The following CD163 variants were observed in gnomAD, a reference collection of about 807,000 sequenced individuals.
The protein encoded by CD163 is scavenger receptor cysteine-rich type 1 protein M130.
CD163 carries 64 observed loss-of-function variants against 129.2 expected under a neutral mutation model. The observed-to-expected ratio is 0.50, with a 90% CI of 0.41 to 0.61. The LOEUF (loss-of-function observed/expected upper bound fraction) is 0.61. Among genes scored for constraint, CD163 ranks in the 20% least tolerant of loss-of-function variants. The pLI is 0.00. For synonymous variants in CD163, 446 were observed against 478.5 expected (o/e 0.93, Z 0.89); for missense variants, 1,061 against 1,377.9 (o/e 0.77, Z 3.64).
chr12:7,500,951 T>C (rs1949476062), intron 3 of CD163, among the ~76,000 whole-genome samples, 188 bp downstream of exon 3: 2 of 152,172 alleles, frequency 1.3e-5, no homozygotes, highest in South Asian at 4.1e-4. Flanking sequence ...TTAATCACAG[T>C]GTTCAGAATT....
At chr12:7,476,712 G>A (rs1375143258) in intron 16 of CD163, among the ~76,000 whole-genome samples, 1 of 152,116 alleles carries the variant, frequency 6.6e-6, no homozygotes, top group Non-Finnish European at 1.5e-5. Context: ...AAAAGCAATG[G>A]CAACAAAAGC....
intron 5 of CD163, 121 bp from the exon 6 acceptor site, chr12:7,495,522 C>CT: frequency 2.4e-6 from 2 of 835,784 alleles, no homozygotes; most frequent in Admixed American, 5.7e-5. Context: ...AACTTATTTC[C>CT]TGACTTTTTA....
chr12:7,500,313 C>T (rs1369516668), intron 3 of CD163, among the ~76,000 whole-genome samples: 1 of 145,616 alleles, frequency 6.9e-6, no homozygotes, highest in Admixed American at 7.2e-5. Context: ...CCCAGCTACT[C>T]GGGAGACTGA....
chr12:7,497,073 T>C lies in CD163; in HGVS notation c.839A>G (p.Glu280Gly). Residue 280 changes from glutamate (E) to glycine (G), a missense_variant, in exon 5 of 17, where the codon GAA becomes GGA. By Grantham distance (98) the Glu-to-Gly change is moderately conservative. Coordinates refer to ENST00000432237, the MANE Select transcript of CD163 (RefSeq NM_203416.4). ...DGVTECSGRL[E>G]VRFQGEWGTI... ...CCCCCATTCTCCTTGGAATCTCACT[T>C]CTAATCTTCCTGAACATTCAGTGAC... 6.2e-7 allele frequency: 1 copy of C among 1,614,112 alleles called. No homozygotes were observed. The highest frequency in any genetic ancestry group is 8.5e-7 in the Non-Finnish European group (1 of 1,179,980).
chr12:7,497,146 C>T lies in CD163; in HGVS notation c.779-13G>A. ...AGATCTGCTCCCTCTGTAACAGAGA[C>T]ACACAACAGGTCTGCGATAAGGAAG... On this transcript the variant is annotated splice_polypyrimidine_tract_variant and intron_variant, in intron 4 of 16. Transcript: ENST00000432237. The T allele has an allele frequency of 6.2e-7, 1 of 1,607,246 alleles. No homozygotes were observed. The highest frequency in any genetic ancestry group is 8.5e-7 in the Non-Finnish European group (1 of 1,176,068).
rs149862927 is a variant in CD163, at chr12:7,483,059, G to A, written c.3089-55C>T. 497 of 1,558,668 alleles carry A rather than the reference G, an allele frequency of 3.2e-4. No individual in the cohort carries two copies. The African/African-American group carries it at 5.7e-3, about 18-fold the overall frequency. ...ATTCTTTGCATGATATATAGAACAA[G>A]CCTTCTGATTTCCTTGTCTGACCCC... On this transcript the variant is annotated intron_variant, in intron 12 of 16. Coordinates refer to ENST00000432237, the MANE Select transcript of CD163 (RefSeq NM_203416.4).
At chr12:7,494,816 A>G (rs1468060187) in intron 6 of CD163, among the ~76,000 whole-genome samples, 1 of 152,158 alleles carries the variant, frequency 6.6e-6, no homozygotes, top group Non-Finnish European at 1.5e-5. Flanking sequence ...ATTGAATTCT[A>G]TTTTTTAAAT....
At position 7,485,394 on chromosome 12, in the gene CD163, G is replaced by A. The variant is rs774318960; in HGVS notation, c.2481C>T (p.Thr827=). The stretch of plus-strand genomic sequence containing the variant: ...CACAGGCCTCTCTGCTGGCTTCACT[G>A]GTCAGTCTCAGAGACATGAATTCTG... ...ICSEFMSLRL[T]SEASREACAG... The change falls in exon 11 of 17, where the codon ACC becomes ACT. Residue 827 remains threonine (T), a synonymous_variant. Transcript: ENST00000432237. The surrounding 1 kb of genome is among the most constrained non-coding windows in gnomAD (Gnocchi z 4.5). 6.2e-7 allele frequency: 1 copy of A among 1,613,936 alleles called. No homozygotes were observed. Among genetic ancestry groups the A allele is most frequent in the Admixed American group, 1.7e-5 (1 of 60,010 alleles).
At chr12:7,478,183 G>A (rs1286209113) in intron 16 of CD163, among the ~76,000 whole-genome samples, 1 of 152,036 alleles carries the variant, frequency 6.6e-6, no homozygotes, top group Non-Finnish European at 1.5e-5. Context: ...ACATACTAGT[G>A]ACTTTATTGG....
Position 7,486,877 on chromosome 12 carries a change from T to C in CD163, c.2143+17A>G, listed in dbSNP as rs754989614. 6.2e-7 allele frequency: 1 copy of C among 1,608,472 alleles called. No homozygotes were observed. The highest frequency in any genetic ancestry group is 8.5e-7 in the Non-Finnish European group (1 of 1,176,378). On this transcript the variant is annotated intron_variant, in intron 9 of 16. Coordinates refer to ENST00000432237, the MANE Select transcript of CD163 (RefSeq NM_203416.4). ...ACTTGTTATTAATATTTTCATAGAT[T>C]TGTCACAGAGTCTTACCTATGCAGG... is the stretch of plus-strand genomic sequence containing the variant.
chr12:7,485,288 C>T lies in CD163; in HGVS notation c.2587G>A (p.Val863Met). The T allele has an allele frequency of 6.2e-7, 1 of 1,614,176 alleles. No individual in the cohort carries two copies. Among genetic ancestry groups the T allele is most frequent in the Non-Finnish European group, 8.5e-7 (1 of 1,180,030 alleles). The stretch of plus-strand genomic sequence containing the variant: ...TCTGCACAGCCCAGCTGCCTGCACA[C>T]CACACCCACAGTGGTTTCAGACATG... Reference protein sequence around the residue: ...SSMSETTVGVVCRQLGCADKG... With the variant: ...SSMSETTVGVMCRQLGCADKG... The change falls in exon 11 of 17, where the codon GTG (valine) becomes ATG (methionine). Residue 863 changes from valine to methionine, a missense_variant. By Grantham distance (21) the Val-to-Met change is conservative. Coordinates refer to ENST00000432237, the MANE Select transcript of CD163 (RefSeq NM_203416.4). This position sits in a 1 kb window ranked among gnomAD's most constrained non-coding sequence, Gnocchi z 4.5.
intron 6 of CD163, among the ~76,000 whole-genome samples, chr12:7,488,375 T>C (rs772768372): frequency 6.6e-6 from 1 of 152,332 alleles, no homozygotes; most frequent in Admixed American, 6.5e-5. Flanking sequence ...TTGCTTACTT[T>C]ATTCATAATA....
chr12:7,499,295 G>T lies in CD163; in HGVS notation c.458-107C>A, dbSNP rs766128558. On this transcript the variant is annotated intron_variant, in intron 3 of 16. Transcript: ENST00000432237. ...GGGATTTTATGTTGTCCTTAAAATG[G>T]TGCCTGATTTTGGACATTGCCCAGC... 117 of 980,588 alleles carry T rather than the reference G, an allele frequency of 1.2e-4. 1 individual carries two copies. In the South Asian group the frequency reaches 1.8e-3, roughly 15 times the overall value. The allele number at this position is 980,588 out of a possible 1,614,324, so 60.7% of individuals were successfully genotyped here. A position where few individuals can be genotyped will look rare whatever the true frequency, so the allele number is the denominator to read the frequency against.
chr12:7,491,944 T>A (rs991234213), intron 6 of CD163, among the ~76,000 whole-genome samples: 4 of 152,102 alleles, frequency 2.6e-5, no homozygotes, highest in Non-Finnish European at 5.9e-5. Flanking sequence ...TTAGTTGAAT[T>A]CTCCTGGTTC....
At chr12:7,502,832 C>A (rs1467583294) in intron 1 of CD163, 2 of 548,126 alleles carry the variant, frequency 3.6e-6, no homozygotes, top group Non-Finnish European at 6.4e-6. Context: ...AAGGTCAACC[C>A]TTAAAACCTG....
intron 16 of CD163, among the ~76,000 whole-genome samples, chr12:7,471,666 A>G (rs1391470661): frequency 6.6e-6 from 1 of 152,080 alleles, no homozygotes; most frequent in African/African-American, 2.4e-5. Flanking sequence ...AGTGAGACCA[A>G]CGCAGAAGTC....
At chr12:7,494,972 T>C (rs1234194195) in intron 6 of CD163, 109 bp downstream of exon 6, 1 of 806,158 alleles carries the variant, frequency 1.2e-6, no homozygotes, top group African/African-American at 1.7e-5. Flanking sequence ...AGATATTTCC[T>C]GGTTTCTTGA....
intron 6 of CD163, among the ~76,000 whole-genome samples, chr12:7,489,433 C>T (rs192986403): frequency 1.3e-5 from 2 of 152,130 alleles, no homozygotes; most frequent in East Asian, 3.9e-4. Context: ...CTTAACGTTT[C>T]CTTAAAATGT....
intron 15 of CD163, chr12:7,480,138 T>C (rs1294856063): frequency 5.8e-6 from 4 of 692,064 alleles, no homozygotes; most frequent in Non-Finnish European, 9.2e-6. Context: ...GTCTTTCCTA[T>C]TTCTTAAATA....
Sources: gnomAD v4.1 joint callset for allele counts (sites outside exome capture counted in the v4.1 genomes callset) on GRCh38, gnomAD v4.1.1 for gene constraint, Gnocchi (gnomAD v3.1) non-coding constraint, MANE v1.5 for transcripts, NCBI Gene and HGNC (gene_info 2026-07-23, HGNC 2026-07-21) for gene names.